The following PDGFB variants were observed in gnomAD, a reference collection of about 807,000 sequenced individuals.
PDGFB encodes the protein platelet-derived growth factor subunit B.
PDGFB carries 6 observed loss-of-function variants against 29.0 expected under a neutral mutation model. The observed-to-expected ratio is 0.21, with a 90% CI of 0.11 to 0.41. PDGFB has a LOEUF of 0.41. PDGFB is among the 10% of genes least tolerant of loss of function. The pLI is 1.00. For missense variants in PDGFB, 299 were observed against 341.8 expected (o/e 0.87, Z 0.99); for synonymous variants, 144 against 140.8 (o/e 1.02, Z -0.16).
intron 5 of PDGFB, among the ~76,000 whole-genome samples, chr22:39,228,878 G>A (rs1267228810): frequency 1.1e-4 from 9 of 81,652 alleles, no homozygotes; most frequent in Non-Finnish European, 2.5e-4. Context: ...GACAGGGTGA[G>A]ACTGCCTCAA....
In PDGFB at chr22:39,244,659, G is replaced by A. The variant is rs1016394091; in HGVS notation, c.-696C>T. The stretch of plus-strand genomic sequence containing the variant: ...CGCGCTCGGCTGGGCCCGGCCGACA[G>A]GTGGACGCGGCGCGAGTCCGTCGGT... On this transcript the variant is annotated 5_prime_UTR_variant, in exon 1 of 7. Coordinates refer to ENST00000331163, the MANE Select transcript of PDGFB (RefSeq NM_002608.4). This position sits in a 1 kb window ranked among gnomAD's most constrained non-coding sequence, Gnocchi z 4.5. 1.2e-5 allele frequency: 2 copies of A among 168,160 alleles called. No individual in the cohort carries two copies. Among genetic ancestry groups the A allele is most frequent in the African/African-American group, 4.8e-5 (2 of 41,578 alleles). The allele number at this position is 168,160 out of a possible 1,614,324, so 10.4% of individuals were successfully genotyped here. A position where few individuals can be genotyped will look rare whatever the true frequency, so the allele number is the denominator to read the frequency against.
In PDGFB at chr22:39,242,442, C is replaced by A; in HGVS notation, c.63+1459G>T. On this transcript the variant is annotated intron_variant, in intron 1 of 6. Coordinates refer to ENST00000331163, the MANE Select transcript of PDGFB (RefSeq NM_002608.4). The surrounding 1 kb of genome is among the most constrained non-coding windows in gnomAD (Gnocchi z 5.7). ...GGCAGCTGGGGCCGGCCGGCCACCCCCTCCCCAACAGCTGGCCGCGGCCCG... is the reference window on the plus strand; with the variant it reads ...GGCAGCTGGGGCCGGCCGGCCACCCACTCCCCAACAGCTGGCCGCGGCCCG... 1 of 198,756 alleles carries A rather than the reference C, an allele frequency of 5.0e-6. No homozygotes were observed. Among genetic ancestry groups the A allele is most frequent in the Admixed American group, 6.0e-5 (1 of 16,530 alleles). 12.3% of individuals were successfully genotyped at this position (198,756 alleles called of 1,614,324 possible).
chr22:39,243,839 G>T lies in PDGFB; in HGVS notation c.63+62C>A. On this transcript the variant is annotated intron_variant, in intron 1 of 6. Transcript: ENST00000331163. This position sits in a 1 kb window ranked among gnomAD's most constrained non-coding sequence, Gnocchi z 6.4. ...TTCACTGCAGGGAGAGGAGGGGGCG[G>T]TCAGAAGGGGGGGGCGAAGGTAATG... The T allele has an allele frequency of 3.6e-6, 5 of 1,378,142 alleles. No individual in the cohort carries two copies. Among genetic ancestry groups the T allele is most frequent in the Non-Finnish European group, 5.1e-6 (5 of 988,986 alleles). The allele number at this position is 1,378,142 out of a possible 1,614,324, so 85.4% of individuals were successfully genotyped here. A position where few individuals can be genotyped will look rare whatever the true frequency, so the allele number is the denominator to read the frequency against.
chr22:39,234,554 C>T (rs1932394222), intron 2 of PDGFB, among the ~76,000 whole-genome samples: 1 of 152,220 alleles, frequency 6.6e-6, no homozygotes, highest in Admixed American at 6.5e-5. Context: ...GCCGCCTGTC[C>T]GTCCCGGGTA....
Position 39,230,067 on chromosome 22 carries a change from C to G in PDGFB, c.601+17G>C. ...CAGGGGAAGGGGGCTGAGGGCTGAG[C>G]CTGGAAAGGTGGTTACCTCGCTGCT... On this transcript the variant is annotated intron_variant, in intron 5 of 6. Coordinates refer to ENST00000331163, the MANE Select transcript of PDGFB (RefSeq NM_002608.4). The G allele has an allele frequency of 1.2e-6, 2 of 1,612,498 alleles. No individual in the cohort carries two copies. Among genetic ancestry groups the G allele is most frequent in the Non-Finnish European group, 1.7e-6 (2 of 1,179,226 alleles).
At chr22:39,237,119 G>T (rs891107468) in intron 1 of PDGFB, among the ~76,000 whole-genome samples, 1 of 152,098 alleles carries the variant, frequency 6.6e-6, no homozygotes, top group Non-Finnish European at 1.5e-5. Context: ...GCCTGACGGC[G>T]GAGGGGGAGC....
chr22:39,231,617 C>A lies in PDGFB; in HGVS notation c.456+5G>T, dbSNP rs376638696. ...CAGCCTCGGGGGGCCGCGGAGCCTACGCACCTGGACAGGTCGCAGCTGCAC... is the reference window on the plus strand; with the variant it reads ...CAGCCTCGGGGGGCCGCGGAGCCTAAGCACCTGGACAGGTCGCAGCTGCAC... On this transcript the variant is annotated splice_donor_5th_base_variant and intron_variant, in intron 4 of 6. Transcript: ENST00000331163. The surrounding 1 kb of genome is among the most constrained non-coding windows in gnomAD (Gnocchi z 4.3). 3.9e-6 allele frequency: 6 copies of A among 1,549,824 alleles called. No homozygotes were observed. The highest frequency in any genetic ancestry group is 2.4e-5 in the South Asian group (2 of 84,428).
At chr22:39,237,183 C>T (rs1932465815) in intron 1 of PDGFB, among the ~76,000 whole-genome samples, 1 of 151,892 alleles carries the variant, frequency 6.6e-6, no homozygotes, top group Admixed American at 6.6e-5. Context: ...AGGGGGCTCT[C>T]CCCGAAAGCT....
In PDGFB at chr22:39,231,587, G is replaced by C. The variant is rs769523755; in HGVS notation, c.456+35C>G. On this transcript the variant is annotated intron_variant, in intron 4 of 6. Transcript: ENST00000331163. This position sits in a 1 kb window ranked among gnomAD's most constrained non-coding sequence, Gnocchi z 4.3. ...AGAAGGGTGGTCTCCACCCACCACC[G>C]GGACCAGCCTCGGGGGGCCGCGGAG... 4.6e-5 allele frequency: 68 copies of C among 1,487,228 alleles called. No homozygotes were observed. The East Asian group carries it at 1.6e-3, about 36-fold the overall frequency. 92.1% of individuals were successfully genotyped at this position (1,487,228 alleles called of 1,614,324 possible). A position where few individuals can be genotyped will look rare whatever the true frequency, so the allele number is the denominator to read the frequency against.
rs1408249894 is a variant in PDGFB, at chr22:39,243,261, TCTCTC to T, written c.63+635_63+639del. Among the ~76,000 whole-genome samples the T allele has an allele frequency of 1.3e-5, 2 of 149,614 alleles. No homozygotes were observed. The highest frequency in any genetic ancestry group is 3.0e-5 in the Non-Finnish European group (2 of 67,602). On this transcript the variant is annotated intron_variant, in intron 1 of 6. Coordinates refer to ENST00000331163, the MANE Select transcript of PDGFB (RefSeq NM_002608.4). This position sits in a 1 kb window ranked among gnomAD's most constrained non-coding sequence, Gnocchi z 6.4. The stretch of plus-strand genomic sequence containing the variant: ...CTCCGTCTCTCTCTCCGTCTCTCTC[TCTCTC>T]TCTCTCTTTCTCTCTCTCTCTCTCT...
At position 39,242,572 on chromosome 22, in the gene PDGFB, C is replaced by T. The variant is rs1057201812; in HGVS notation, c.63+1329G>A. ...GGGTGCGGGCCGCGGGGGGCGGCCG[C>T]GGAAGGGCGGGGCCCCCGGGCGGGC... On this transcript the variant is annotated intron_variant, in intron 1 of 6. Coordinates refer to ENST00000331163, the MANE Select transcript of PDGFB (RefSeq NM_002608.4). This position sits in a 1 kb window ranked among gnomAD's most constrained non-coding sequence, Gnocchi z 5.7. 6.0e-5 allele frequency among the ~76,000 whole-genome samples: 9 copies of T among 150,658 alleles called. No homozygotes were observed. The highest frequency in any genetic ancestry group is 7.4e-5 in the Non-Finnish European group (5 of 67,456).
rs1412692380 is a variant in PDGFB at position 39,242,151 on chromosome 22, T to G, written c.63+1750A>C. On this transcript the variant is annotated intron_variant, in intron 1 of 6. Transcript: ENST00000331163. The surrounding 1 kb of genome is among the most constrained non-coding windows in gnomAD (Gnocchi z 5.7). The stretch of plus-strand genomic sequence containing the variant: ...TGCAGGGGCCGTGCGTGCGTTTGTG[T>G]GCGGTGCGCGCGCGTGTGTCCCGCG... 1 of 220,726 alleles carries G rather than the reference T, an allele frequency of 4.5e-6. No homozygotes were observed. The highest frequency in any genetic ancestry group is 9.1e-6 in the Non-Finnish European group (1 of 110,096). The allele number at this position is 220,726 out of a possible 1,614,324, so 13.7% of individuals were successfully genotyped here.
intron 5 of PDGFB, among the ~76,000 whole-genome samples, chr22:39,229,819 T>C (rs1932252839): frequency 6.6e-6 from 1 of 152,162 alleles, no homozygotes; most frequent in African/African-American, 2.4e-5. Flanking sequence ...ACTCCATTAG[T>C]TACTGAAAGA....
At chr22:39,228,886 C>CAAAA (rs34953400) in intron 5 of PDGFB, among the ~76,000 whole-genome samples, 933 of 72,524 alleles carry the variant, frequency 0.013, 11 homozygotes, top group African/African-American at 0.034. Flanking sequence ...GAGACTGCCT[C>CAAAA]AAAAAAAATA....
At chr22:39,240,846 G>A (rs1465375229) in intron 1 of PDGFB, 1 of 1,613,602 alleles carries the variant, frequency 6.2e-7, no homozygotes, top group Non-Finnish European at 8.5e-7. Context: ...GACGTGGAGA[G>A]GTACTTACGA....
chr22:39,232,994 A>C (rs943098967), intron 3 of PDGFB, among the ~76,000 whole-genome samples: 2 of 152,208 alleles, frequency 1.3e-5, no homozygotes, highest in African/African-American at 4.8e-5. Flanking sequence ...CTACCAGCCT[A>C]GGCCGCGGCC....
At chr22:39,225,395 G>T (rs1932140662) in intron 6 of PDGFB, 82 bp from the exon 7 acceptor site, 1 of 236,920 alleles carries the variant, frequency 4.2e-6, no homozygotes, top group Non-Finnish European at 8.2e-6. Flanking sequence ...GATGCCAGGG[G>T]CAGGGAGCTG....
At chr22:39,235,115 T>C (rs959874146) in intron 2 of PDGFB, among the ~76,000 whole-genome samples, 2 of 152,194 alleles carry the variant, frequency 1.3e-5, no homozygotes, top group Non-Finnish European at 2.9e-5. Context: ...TGTTCCCCCG[T>C]AGATAGCGTC....
Position 39,225,788 on chromosome 22 carries a change from C to T in PDGFB, c.661G>A (p.Gly221Ser). 2 of 1,614,146 alleles carry T rather than the reference C, an allele frequency of 1.2e-6. No homozygotes were observed. Among genetic ancestry groups the T allele is most frequent in the Non-Finnish European group, 1.7e-6 (2 of 1,180,004 alleles). The change falls in exon 6 of 7, where the codon GGC becomes AGC. Residue 221 changes from glycine (G) to serine (S), a missense_variant. Physicochemically the swap from Gly to Ser is moderately conservative, Grantham distance 56. Coordinates refer to ENST00000331163, the MANE Select transcript of PDGFB (RefSeq NM_002608.4). Reference protein sequence around the residue: ...RTVRVRRPPKGKHRKFKHTHD... With the variant: ...RTVRVRRPPKSKHRKFKHTHD... ...GTGTGCTTGAATTTCCGGTGCTTGC[C>T]CTTGGGGGGCCGGCGGACTCGCACC...
Sources: gnomAD v4.1 joint callset for allele counts (sites outside exome capture counted in the v4.1 genomes callset) on GRCh38, gnomAD v4.1.1 for gene constraint, Gnocchi (gnomAD v3.1) non-coding constraint, MANE v1.5 for transcripts, NCBI Gene and HGNC (gene_info 2026-07-23, HGNC 2026-07-21) for gene names.